CADPS2: variants seen among roughly 807,000 people sequenced by gnomAD.
CADPS2 encodes calcium-dependent secretion activator 2.
CADPS2 carries 93 observed loss-of-function variants against 172.5 expected under a neutral mutation model. That is an observed-to-expected ratio of 0.54 (90% CI 0.46 to 0.64). CADPS2 has a LOEUF of 0.64. Among genes scored for constraint, CADPS2 ranks in the 30% least tolerant of loss-of-function variants. The pLI is 0.00. For synonymous variants in CADPS2, 546 were observed against 555.2 expected, an observed-to-expected ratio of 0.98 and a Z score of 0.23; for missense variants, 1,420 against 1,565.9, an observed-to-expected ratio of 0.91 and a Z score of 1.57.
chr7:122,485,583 G>C (rs2057727537), intron 11 of CADPS2, among the ~76,000 whole-genome samples: 2 of 152,164 alleles, frequency 1.3e-5, no homozygotes, highest in Non-Finnish European at 2.9e-5. Context: ...TAGGGTTAAG[G>C]AAAAGAAGCC....
intron 9 of CADPS2, among the ~76,000 whole-genome samples, chr7:122,507,109 A>G (rs975907703): frequency 6.6e-6 from 1 of 152,216 alleles, no homozygotes; most frequent in Non-Finnish European, 1.5e-5. Context: ...AAATGTAAAA[A>G]AAATTTAATT....
At chr7:122,833,026 G>A (rs1807077428) in intron 1 of CADPS2, among the ~76,000 whole-genome samples, 1 of 152,156 alleles carries the variant, frequency 6.6e-6, no homozygotes, top group Non-Finnish European at 1.5e-5. Flanking sequence ...GAAAAATTGT[G>A]AGAAACAATC....
intron 1 of CADPS2, among the ~76,000 whole-genome samples, chr7:122,758,325 A>G (rs554963206): frequency 6.6e-6 from 1 of 152,332 alleles, no homozygotes; most frequent in South Asian, 2.1e-4. Context: ...GGCTGAAAAT[A>G]AAGCAAACCT....
chr7:122,462,242 G>C (rs1223110638), intron 14 of CADPS2, among the ~76,000 whole-genome samples: 1 of 152,120 alleles, frequency 6.6e-6, no homozygotes, highest in Non-Finnish European at 1.5e-5. Context: ...GGTGACTGGA[G>C]GGTAATATTC....
intron 8 of CADPS2, among the ~76,000 whole-genome samples, chr7:122,526,285 G>A (rs535450506): frequency 2.0e-5 from 3 of 152,046 alleles, no homozygotes; most frequent in South Asian, 2.1e-4. Context: ...TCCACCTCCC[G>A]GGTTCAAGTA....
At chr7:122,439,093 A>G (rs2051024933) in intron 16 of CADPS2, among the ~76,000 whole-genome samples, 1 of 152,172 alleles carries the variant, frequency 6.6e-6, no homozygotes, top group South Asian at 2.1e-4. Flanking sequence ...AAAACTTTCT[A>G]TGGTTTTAAA....
At position 122,563,553 on chromosome 7, in the gene CADPS2, G is replaced by A. The variant is rs2471178; in HGVS notation, c.1336-8864C>T. 3.3e-3 allele frequency among the ~76,000 whole-genome samples: 503 copies of A among 151,852 alleles called. 4 individuals carry two copies. Among genetic ancestry groups the A allele is most frequent in the African/African-American group, 0.012 (479 of 41,436 alleles). ...CAACAGACACTTTCAATTTTATATC[G>A]CCCCCCTCAATTCAACATATTATCT... On this transcript the variant is annotated intron_variant, in intron 7 of 29. Transcript: ENST00000449022.
At chr7:122,527,608 G>GAA (rs2061353713) in intron 8 of CADPS2, among the ~76,000 whole-genome samples, 1 of 126,138 alleles carries the variant, frequency 7.9e-6, no homozygotes, top group Non-Finnish European at 1.7e-5. Context: ...GAGAGAGAGA[G>GAA]AGAGAGAGAG....
chr7:122,629,558 C>T (rs1437613745), intron 3 of CADPS2, among the ~76,000 whole-genome samples: 1 of 152,004 alleles, frequency 6.6e-6, no homozygotes. Context: ...CACAAAACCA[C>T]CAAATCAAGA....
At chr7:122,821,470 C>CAA (rs1339848766) in intron 1 of CADPS2, among the ~76,000 whole-genome samples, 1 of 152,142 alleles carries the variant, frequency 6.6e-6, no homozygotes, top group African/African-American at 2.4e-5. Context: ...CCAGGACTGG[C>CAA]AAATTAGCTT....
intron 17 of CADPS2, among the ~76,000 whole-genome samples, chr7:122,437,815 A>G (rs2050831224): frequency 6.6e-6 from 1 of 152,078 alleles, no homozygotes; most frequent in African/African-American, 2.4e-5. Context: ...AAAGAAAAAA[A>G]AAAAAAGCAC....
chr7:122,794,171 C>G (rs544141445), intron 1 of CADPS2, among the ~76,000 whole-genome samples: 2 of 152,146 alleles, frequency 1.3e-5, no homozygotes, highest in African/African-American at 4.8e-5. Flanking sequence ...GGGAAGTTCT[C>G]ATGGATGATA....
chr7:122,723,860 GA>G (rs2090774731), intron 2 of CADPS2, among the ~76,000 whole-genome samples: 1 of 152,080 alleles, frequency 6.6e-6, no homozygotes, highest in African/African-American at 2.4e-5. Flanking sequence ...AAAAAATGAT[GA>G]GTTCATGTCC....
chr7:122,541,632 CATATATTCAT>C (rs937034188), intron 8 of CADPS2, among the ~76,000 whole-genome samples: 7 of 140,772 alleles, frequency 5.0e-5, no homozygotes, highest in Non-Finnish European at 9.1e-5. Flanking sequence ...TATATATTTT[CATATATTCAT>C]ATATATTCAT....
At chr7:122,400,449 C>T (rs538671954) in intron 20 of CADPS2, among the ~76,000 whole-genome samples, 2 of 150,660 alleles carry the variant, frequency 1.3e-5, no homozygotes, top group Non-Finnish European at 3.0e-5. Context: ...AAAAACAAAA[C>T]AAAAACAAAA....
chr7:122,489,103 T>C (rs2058078449), intron 11 of CADPS2, among the ~76,000 whole-genome samples: 1 of 152,170 alleles, frequency 6.6e-6, no homozygotes, highest in South Asian at 2.1e-4. Context: ...TTTCACTACA[T>C]ATAAAAGATA....
At chr7:122,658,608 C>T in intron 3 of CADPS2, among the ~76,000 whole-genome samples, 2 of 152,152 alleles carry the variant, frequency 1.3e-5, no homozygotes, top group Non-Finnish European at 2.9e-5. Flanking sequence ...AGCTGGAAAC[C>T]ATCATTCTCA....
intron 8 of CADPS2, among the ~76,000 whole-genome samples, chr7:122,530,292 G>A (rs191122540): frequency 0.01 from 1,480 of 147,252 alleles, 43 homozygotes; most frequent in Non-Finnish European, 0.01. Flanking sequence ...ATAAGAAAAG[G>A]TTTCCACTTA....
chr7:122,722,780 T>C (rs2090601185), intron 2 of CADPS2, among the ~76,000 whole-genome samples: 2 of 150,352 alleles, frequency 1.3e-5, no homozygotes, highest in African/African-American at 2.5e-5. Context: ...CTTCAAACTA[T>C]ACTACAAGGC....
Sources: gnomAD v4.1 joint callset for allele counts (sites outside exome capture counted in the v4.1 genomes callset) on GRCh38, gnomAD v4.1.1 for gene constraint, MANE v1.5 for transcripts, NCBI Gene and HGNC (gene_info 2026-07-23, HGNC 2026-07-21) for gene names.